LDAH: variants seen among roughly 807,000 people sequenced by gnomAD.
LDAH encodes the protein lipid droplet associated hydrolase.
A neutral mutation model predicts 29.6 loss-of-function variants in LDAH; 26 were observed. The observed-to-expected ratio is 0.88, with a 90% CI of 0.64 to 1.22. LDAH has a LOEUF of 1.22. Ranked by LOEUF, LDAH falls within the 50% of genes most tolerant of loss-of-function variation. The pLI is 0.00. For missense variants in LDAH, 344 were observed against 387.3 expected, an observed-to-expected ratio of 0.89 and a Z score of 0.94; for synonymous variants, 117 against 133.0, an observed-to-expected ratio of 0.88 and a Z score of 0.83.
intron 6 of LDAH, among the ~76,000 whole-genome samples, chr2:20,688,064 T>C (rs555377821): frequency 6.6e-6 from 1 of 152,340 alleles, no homozygotes; most frequent in East Asian, 1.9e-4. Flanking sequence ...CATTCCTTTG[T>C]TCATCAAATA....
At chr2:20,816,772 A>G (rs1482260692) in intron 1 of LDAH, among the ~76,000 whole-genome samples, 1 of 152,060 alleles carries the variant, frequency 6.6e-6, no homozygotes. Context: ...AACAGAATAC[A>G]CATTCTTTTC....
At chr2:20,782,912 T>C (rs1261286287) in intron 3 of LDAH, among the ~76,000 whole-genome samples, 2 of 152,220 alleles carry the variant, frequency 1.3e-5, no homozygotes, top group African/African-American at 4.8e-5. Flanking sequence ...GAAACTTAGG[T>C]AATTAACTTT....
At chr2:20,738,970 T>C (rs1439668336) in intron 5 of LDAH, among the ~76,000 whole-genome samples, 3 of 152,234 alleles carry the variant, frequency 2.0e-5, no homozygotes. Context: ...GTCCTGCTGT[T>C]ATCATTAACA....
At chr2:20,764,513 C>G (rs1210605643) in intron 4 of LDAH, among the ~76,000 whole-genome samples, 2 of 152,166 alleles carry the variant, frequency 1.3e-5, no homozygotes, top group East Asian at 3.8e-4. Flanking sequence ...TAATTTCTGC[C>G]CTTGGCCCAG....
intron 5 of LDAH, among the ~76,000 whole-genome samples, chr2:20,724,732 G>T (rs1665895767): frequency 6.6e-6 from 1 of 152,234 alleles, no homozygotes; most frequent in South Asian, 2.1e-4. Context: ...ACAATGTAGA[G>T]GCAATTTAAA....
intron 3 of LDAH, chr2:20,789,342 T>A (rs1168147414): frequency 6.6e-7 from 1 of 1,525,176 alleles, no homozygotes; most frequent in Admixed American, 2.1e-5. Context: ...GAATGCCACC[T>A]GTGAATCGGG....
At position 20,778,030 on chromosome 2, in the gene LDAH, C is replaced by G. The variant is rs191651549; in HGVS notation, c.299-3051G>C. Among the ~76,000 whole-genome samples, 93 of 152,266 alleles carry G rather than the reference C, an allele frequency of 6.1e-4. 1 individual carries two copies. The highest frequency in any genetic ancestry group is 1.1e-3 in the Non-Finnish European group (75 of 68,016). ...TAAATTGAGATTTCTAAATTGAGAA[C>G]TGCCCGAATTGGTGGATGACAATCC... On this transcript the variant is annotated intron_variant, in intron 3 of 6. Transcript: ENST00000237822.
chr2:20,772,430 C>T (rs1033353535), intron 4 of LDAH, among the ~76,000 whole-genome samples: 5 of 152,192 alleles, frequency 3.3e-5, no homozygotes, highest in African/African-American at 1.2e-4. Context: ...TCATTGCCTA[C>T]ACCAGTAAAT....
intron 5 of LDAH, among the ~76,000 whole-genome samples, chr2:20,734,747 A>G (rs111928689): frequency 0.028 from 4,298 of 152,290 alleles, 204 homozygotes; most frequent in African/African-American, 0.099. Flanking sequence ...TCTTTTTGAC[A>G]TTCCCAGATT....
At chr2:20,719,521 A>G (rs12465414) in intron 5 of LDAH, among the ~76,000 whole-genome samples, 36,031 of 151,936 alleles carry the variant, frequency 0.24, 4,835 homozygotes, top group East Asian at 0.36. Context: ...AGGACCTGAT[A>G]GAAACACTGC....
At chr2:20,733,151 G>C (rs1298168577) in intron 5 of LDAH, among the ~76,000 whole-genome samples, 1 of 151,516 alleles carries the variant, frequency 6.6e-6, no homozygotes, top group African/African-American at 2.4e-5. Flanking sequence ...ATACATTTTT[G>C]TCTCATCACT....
At chr2:20,816,820 C>T (rs1011753892) in intron 1 of LDAH, among the ~76,000 whole-genome samples, 1 of 151,904 alleles carries the variant, frequency 6.6e-6, no homozygotes, top group Non-Finnish European at 1.5e-5. Context: ...ACACCATACC[C>T]TCAGTCATAA....
At chr2:20,761,665 C>T (rs1668697715) in intron 4 of LDAH, among the ~76,000 whole-genome samples, 1 of 152,104 alleles carries the variant, frequency 6.6e-6, no homozygotes, top group Non-Finnish European at 1.5e-5. Context: ...ACAAAGCAAA[C>T]ATAATTTATA....
At chr2:20,798,082 C>T (rs1413124032) in intron 2 of LDAH, among the ~76,000 whole-genome samples, 1 of 152,182 alleles carries the variant, frequency 6.6e-6, no homozygotes, top group Non-Finnish European at 1.5e-5. Flanking sequence ...GATTAATGCC[C>T]TCCATTAACG....
intron 3 of LDAH, chr2:20,789,026 G>A (rs1233951292): frequency 3.1e-5 from 35 of 1,142,452 alleles, no homozygotes; most frequent in Non-Finnish European, 4.2e-5. Flanking sequence ...TCTCAAACTG[G>A]CCCTGCTTAG....
chr2:20,721,711 T>C (rs188558153), intron 5 of LDAH, among the ~76,000 whole-genome samples: 5 of 152,310 alleles, frequency 3.3e-5, no homozygotes, highest in South Asian at 2.1e-4. Context: ...ATAGCCATTA[T>C]GGAAAACAGT....
chr2:20,745,533 C>A (rs1667507099), intron 4 of LDAH, among the ~76,000 whole-genome samples: 1 of 152,076 alleles, frequency 6.6e-6, no homozygotes, highest in South Asian at 2.1e-4. Context: ...GTTCTTATCA[C>A]AACAAAAGAT....
At chr2:20,790,213 T>C (rs759605602) in intron 3 of LDAH, 42 bp downstream of exon 3, 46 of 1,606,350 alleles carry the variant, frequency 2.9e-5, no homozygotes, top group Non-Finnish European at 3.9e-5. Flanking sequence ...AACATGACCC[T>C]GCACTCACTC....
At chr2:20,774,623 A>ACT (rs1669665930) in intron 4 of LDAH, among the ~76,000 whole-genome samples, 187 bp downstream of exon 4, 1 of 152,240 alleles carries the variant, frequency 6.6e-6, no homozygotes, top group East Asian at 1.9e-4. Context: ...ATTCTTTGAA[A>ACT]CATTATGAAC....
Sources: allele counts gnomAD v4.1 joint callset (sites outside exome capture counted in the v4.1 genomes callset), GRCh38; gene constraint gnomAD v4.1.1; transcripts MANE v1.5; gene names NCBI Gene and HGNC (gene_info 2026-07-23, HGNC 2026-07-21).